The following FOXP1 variants were observed in gnomAD, a reference collection of about 807,000 sequenced individuals.
FOXP1 encodes the protein forkhead box protein P1.
In FOXP1, 15 loss-of-function variants were observed where a neutral mutation model predicts 98.2. That is an observed-to-expected ratio of 0.15 (90% CI 0.10 to 0.24). The LOEUF (loss-of-function observed/expected upper bound fraction) is 0.24, where lower values mean the gene tolerates loss of function less well. FOXP1 is among the 10% of genes least tolerant of loss of function. The pLI, the probability that FOXP1 is intolerant of heterozygous loss-of-function variation, is 1.00. For synonymous variants in FOXP1, 371 were observed against 314.5 expected, an observed-to-expected ratio of 1.18 and a Z score of -1.90; for missense variants, 633 against 848.5, an observed-to-expected ratio of 0.75 and a Z score of 3.15.
At chr3:71,475,900 A>C (rs1245004304) in intron 3 of FOXP1, among the ~76,000 whole-genome samples, 1 of 113,662 alleles carries the variant, frequency 8.8e-6, no homozygotes, top group East Asian at 1.9e-4. Context: ...AAACTCTTCA[A>C]GGGAAAAAAA....
intron 14 of FOXP1, among the ~76,000 whole-genome samples, chr3:70,979,488 G>A (rs1028259611): frequency 4.6e-5 from 7 of 151,970 alleles, no homozygotes; most frequent in African/African-American, 1.5e-4. Flanking sequence ...TTCAGCGTAT[G>A]TATTACTGTT....
In FOXP1 at chr3:71,048,707, T is replaced by C. The variant is rs545352414; in HGVS notation, c.511-1612A>G. 2.0e-5 allele frequency among the ~76,000 whole-genome samples: 3 copies of C among 148,760 alleles called. No homozygotes were observed. In the East Asian group the frequency reaches 6.0e-4, roughly 30 times the overall value. On this transcript the variant is annotated intron_variant, in intron 9 of 20. Coordinates refer to ENST00000649528, the MANE Select transcript of FOXP1 (RefSeq NM_001349338.3). ...ACGATTTTTTCACTTCTTCAACAGA[T>C]ATTAACTCACAACATTACAAAAAAA...
chr3:71,073,982 G>A (rs2053540693), intron 7 of FOXP1, among the ~76,000 whole-genome samples: 1 of 152,144 alleles, frequency 6.6e-6, no homozygotes, highest in Non-Finnish European at 1.5e-5. Flanking sequence ...CTCTAAAGAA[G>A]CCACCAATCA....
In FOXP1 at chr3:71,349,932, T is replaced by C. The variant is rs74471225; in HGVS notation, c.-73+9218A>G. 4.5e-3 allele frequency among the ~76,000 whole-genome samples: 680 copies of C among 152,342 alleles called. 5 individuals carry two copies. The highest frequency in any genetic ancestry group is 0.016 in the African/African-American group (651 of 41,574). ...CAAAATATTCCTTTGCCCCTAAGAATGTATGAATAAACAAATAATATCCGA... is the reference window on the plus strand; with the variant it reads ...CAAAATATTCCTTTGCCCCTAAGAACGTATGAATAAACAAATAATATCCGA... On this transcript the variant is annotated intron_variant, in intron 4 of 20. Coordinates refer to ENST00000649528, the MANE Select transcript of FOXP1 (RefSeq NM_001349338.3).
intron 19 of FOXP1, chr3:70,969,807 G>A (rs2035805311): frequency 6.6e-6 from 1 of 152,202 alleles, no homozygotes; most frequent in African/African-American, 2.4e-5. Flanking sequence ...GCAGAGGACT[G>A]CAATGGTATT....
intron 3 of FOXP1, among the ~76,000 whole-genome samples, chr3:71,398,315 C>T (rs1191797237): frequency 6.6e-6 from 1 of 152,138 alleles, no homozygotes; most frequent in Non-Finnish European, 1.5e-5. Flanking sequence ...CTCATATTAA[C>T]CACTCTCATT....
chr3:71,183,203 C>G (rs76475259), intron 6 of FOXP1, among the ~76,000 whole-genome samples: 1,654 of 151,990 alleles, frequency 0.011, 31 homozygotes, highest in African/African-American at 0.037. Context: ...GATAAGAATA[C>G]CAAAAGTTGG....
At chr3:71,559,857 G>A (rs915345160) in intron 2 of FOXP1, among the ~76,000 whole-genome samples, 1 of 151,866 alleles carries the variant, frequency 6.6e-6, no homozygotes, top group African/African-American at 2.4e-5. Flanking sequence ...GGGGCTGCTG[G>A]GGGTTGCGGG....
intron 3 of FOXP1, among the ~76,000 whole-genome samples, chr3:71,396,128 C>G (rs1048734271): frequency 1.3e-5 from 2 of 152,094 alleles, no homozygotes; most frequent in Non-Finnish European, 2.9e-5. Context: ...AGAGCTGAGT[C>G]AAGTCTTAGA....
In FOXP1 at chr3:71,025,137, A is replaced by G. The variant is rs529890996; in HGVS notation, c.870-9484T>C. Among the ~76,000 whole-genome samples, 112 of 152,200 alleles carry G rather than the reference A, an allele frequency of 7.4e-4. 1 individual carries two copies. The highest frequency in any genetic ancestry group is 1.4e-3 in the Non-Finnish European group (93 of 68,024). ...GAAAAATATGAAGTAGATAGTAGTA[A>G]TAAGTATATGCAGACAAGCCAAAAA... On this transcript the variant is annotated intron_variant, in intron 11 of 20. Transcript: ENST00000649528.
intron 19 of FOXP1, 108 bp from the exon 20 acceptor site, chr3:70,966,164 G>T: frequency 9.8e-7 from 1 of 1,024,886 alleles, no homozygotes; most frequent in East Asian, 2.5e-5. Context: ...ATTGTAGCAT[G>T]GCTGGCAAAT....
intron 3 of FOXP1, among the ~76,000 whole-genome samples, chr3:71,469,776 G>A (rs1326826391): frequency 6.6e-6 from 1 of 152,158 alleles, no homozygotes; most frequent in African/African-American, 2.4e-5. Context: ...CTGAAAGCCC[G>A]ATTTTTCACT....
At position 71,301,904 on chromosome 3, in the gene FOXP1, A is replaced by AT. The variant is rs2073876338; in HGVS notation, c.-72-2025dup. On this transcript the variant is annotated intron_variant, in intron 4 of 20. Transcript: ENST00000649528. Reference sequence around the variant, plus strand: ...TTCAGCCTCAGATTTAACCAGTATCATTTTTTTCCCCTAGGGATACTGGGG... The same window carrying AT: ...TTCAGCCTCAGATTTAACCAGTATCATTTTTTTTCCCCTAGGGATACTGGGG... Among the ~76,000 whole-genome samples, 2 of 152,162 alleles carry AT rather than the reference A, an allele frequency of 1.3e-5. 1 individual carries two copies. Among genetic ancestry groups the AT allele is most frequent in the South Asian group, 4.1e-4 (2 of 4,830 alleles).
intron 3 of FOXP1, among the ~76,000 whole-genome samples, chr3:71,425,587 T>C (rs2084085695): frequency 6.6e-6 from 1 of 152,012 alleles, no homozygotes; most frequent in Non-Finnish European, 1.5e-5. Context: ...CCTGGCAAAA[T>C]AAATGCTTAA....
At chr3:71,189,083 C>T (rs912527636) in intron 6 of FOXP1, among the ~76,000 whole-genome samples, 1 of 152,164 alleles carries the variant, frequency 6.6e-6, no homozygotes, top group Admixed American at 6.5e-5. Context: ...GAAGACTGGG[C>T]CTTTATGTCC....
rs180727789 is a variant in FOXP1 at position 71,224,014 on chromosome 3, C to T, written c.-11-25622G>A. ...TTGCTAATTTCTTCCTCCTCATAGA[C>T]TAAGGAGGTGATCAAAGAAGAAGAA... On this transcript the variant is annotated intron_variant, in intron 5 of 20. Transcript: ENST00000649528. 4.6e-5 allele frequency among the ~76,000 whole-genome samples: 7 copies of T among 152,188 alleles called. No individual in the cohort carries two copies. The East Asian group carries it at 1.4e-3, about 29-fold the overall frequency.
Position 71,182,625 on chromosome 3 carries a change from G to A in FOXP1, c.180+15577C>T, listed in dbSNP as rs547172849. ...CTCACTGCAGTCTCAGCCTCCTGGG[G>A]CTCAAGTGATTCTCCCACCTCAGCC... On this transcript the variant is annotated intron_variant, in intron 6 of 20. Transcript: ENST00000649528. Among the ~76,000 whole-genome samples the A allele has an allele frequency of 1.3e-3, 203 of 151,420 alleles. 2 individuals are homozygous for A. The highest frequency in any genetic ancestry group is 4.6e-3 in the African/African-American group (188 of 41,250).
At chr3:71,028,828 A>T (rs2046471151) in intron 11 of FOXP1, among the ~76,000 whole-genome samples, 1 of 152,170 alleles carries the variant, frequency 6.6e-6, no homozygotes, top group Admixed American at 6.5e-5. Flanking sequence ...GTAATGGGAG[A>T]CAGTGACAGA....
At chr3:71,320,576 C>T (rs982453697) in intron 4 of FOXP1, among the ~76,000 whole-genome samples, 26 of 152,080 alleles carry the variant, frequency 1.7e-4, no homozygotes, top group Admixed American at 9.2e-4. Flanking sequence ...TATCTATTCC[C>T]TTTGTACACA....
Sources: allele counts gnomAD v4.1 joint callset (sites outside exome capture counted in the v4.1 genomes callset), GRCh38; gene constraint gnomAD v4.1.1; transcripts MANE v1.5; gene names NCBI Gene and HGNC (gene_info 2026-07-23, HGNC 2026-07-21).